The following CFLAR variants were observed in gnomAD, a reference collection of about 807,000 sequenced individuals.
The protein encoded by CFLAR is CASP8 and FADD-like apoptosis regulator.
In CFLAR, 14 loss-of-function variants were observed where a neutral mutation model predicts 51.1. That is an observed-to-expected ratio of 0.27 (90% CI 0.18 to 0.43). The LOEUF is 0.43. Among genes scored for constraint, CFLAR ranks in the 20% least tolerant of loss-of-function variants. CFLAR has a pLI of 1.00. For synonymous variants in CFLAR, 210 were observed against 211.6 expected (o/e 0.99, Z 0.06); for missense variants, 390 against 566.5 (o/e 0.69, Z 3.16).
At chr2:201,136,365 G>T in intron 4 of CFLAR, 2 of 1,598,468 alleles carry the variant, frequency 1.3e-6, no homozygotes, top group Non-Finnish European at 1.7e-6. Flanking sequence ...CTTCAAGAAA[G>T]AATCTGGGAT....
In CFLAR at chr2:201,138,180, G is replaced by A. The variant is rs2050402034; in HGVS notation, c.523+2073G>A. The stretch of plus-strand genomic sequence containing the variant: ...TTCCCCCCAATCACCTGGAGGTGGG[G>A]TTACTTTTGTTTGATGTAATGCACC... On this transcript the variant is annotated intron_variant, in intron 4 of 9. Coordinates refer to ENST00000309955, the MANE Select transcript of CFLAR (RefSeq NM_003879.7). The surrounding 1 kb of genome is among the most constrained non-coding windows in gnomAD (Gnocchi z 4.0). 6 of 956,450 alleles carry A rather than the reference G, an allele frequency of 6.3e-6. No individual in the cohort carries two copies. Among genetic ancestry groups the A allele is most frequent in the South Asian group, 2.6e-5 (2 of 78,146 alleles). 59.2% of individuals were successfully genotyped at this position (956,450 alleles called of 1,614,324 possible).
chr2:201,154,181 TC>T, intron 8 of CFLAR: 1 of 241,440 alleles, frequency 4.1e-6, no homozygotes, highest in Non-Finnish European at 8.5e-6. Flanking sequence ...AATCTCCACC[TC>T]CCAGGTTCAA....
At position 201,156,609 on chromosome 2, in the gene CFLAR, G is replaced by T. The variant is rs77879835; in HGVS notation, c.794-3823G>T. Among the ~76,000 whole-genome samples the T allele has an allele frequency of 5.9e-5, 9 of 152,116 alleles. No individual in the cohort carries two copies. In the East Asian group the frequency reaches 7.7e-4, roughly 13 times the overall value. On this transcript the variant is annotated intron_variant, in intron 8 of 9. Coordinates refer to ENST00000309955, the MANE Select transcript of CFLAR (RefSeq NM_003879.7). ...AGTCATGACATTTTACTGTATTTTG[G>T]TTTTTTTGGTTTATCTGTGAAGTCC...
In CFLAR at chr2:201,145,248, A is replaced by C. The variant is rs147745550; in HGVS notation, c.607-130A>C. The C allele has an allele frequency of 1.4e-5, 8 of 570,040 alleles. No individual in the cohort carries two copies. The East Asian group carries it at 2.3e-4, about 16-fold the overall frequency. 35.3% of individuals were successfully genotyped at this position (570,040 alleles called of 1,614,324 possible). ...GCTCTTGCTATTCTTTAGATAATTT[A>C]ACTGTTGGGACGATATTTTTATTTT... On this transcript the variant is annotated intron_variant, in intron 5 of 9. Coordinates refer to ENST00000309955, the MANE Select transcript of CFLAR (RefSeq NM_003879.7).
intron 1 of CFLAR, among the ~76,000 whole-genome samples, chr2:201,119,526 C>T (rs941763413): frequency 2.0e-5 from 3 of 147,590 alleles, no homozygotes; most frequent in Admixed American, 6.8e-5. Context: ...TTCTTTCTTA[C>T]TATAGATCAG....
At chr2:201,130,349 CTTTCTTTTTTTTTTT>C (rs2049142729) in intron 2 of CFLAR, among the ~76,000 whole-genome samples, 1 of 121,952 alleles carries the variant, frequency 8.2e-6, no homozygotes, top group South Asian at 2.7e-4. Flanking sequence ...CTTTTTCTTT[CTTTCTTTTTTTTTTT>C]TTTTTTTTTT....
intron 2 of CFLAR, 98 bp downstream of exon 2, chr2:201,130,244 C>G: frequency 8.7e-7 from 1 of 1,149,144 alleles, no homozygotes; most frequent in Non-Finnish European, 1.2e-6. Context: ...AGAAGTGCAG[C>G]CACTTTACTG....
chr2:201,149,271 G>T, intron 7 of CFLAR: 2 of 456,696 alleles, frequency 4.4e-6, no homozygotes, highest in South Asian at 2.7e-5. Flanking sequence ...AAGTTCCAAA[G>T]TAGCACTCCT....
intron 1 of CFLAR, among the ~76,000 whole-genome samples, chr2:201,117,873 A>C (rs1290059055): frequency 6.7e-6 from 1 of 150,336 alleles, no homozygotes; most frequent in Non-Finnish European, 1.5e-5. Context: ...CTCGTGCCTC[A>C]GCCTCTCAAG....
In CFLAR at chr2:201,140,529, T is replaced by C. The variant is rs1938450268; in HGVS notation, c.606+90T>C. 4.2e-6 allele frequency: 4 copies of C among 946,344 alleles called. No individual in the cohort carries two copies. In the East Asian group the frequency reaches 1.1e-4, roughly 27 times the overall value. The allele number at this position is 946,344 out of a possible 1,614,324, so 58.6% of individuals were successfully genotyped here. A position where few individuals can be genotyped will look rare whatever the true frequency, so the allele number is the denominator to read the frequency against. ...GCATATTCTCACAGCATGTACTTTA[T>C]TTAATATCTGAAAAAATTGTGATAG... On this transcript the variant is annotated intron_variant, in intron 5 of 9. Transcript: ENST00000309955.
chr2:201,129,073 G>A (rs1188996961), intron 1 of CFLAR, among the ~76,000 whole-genome samples: 2 of 152,168 alleles, frequency 1.3e-5, no homozygotes, highest in African/African-American at 4.8e-5. Flanking sequence ...GTCTGAAGAC[G>A]TGATCCAAAC....
rs375533711 is a variant in CFLAR at position 201,130,159 on chromosome 2, C to T, written c.281+13C>T. The T allele has an allele frequency of 1.4e-5, 14 of 996,220 alleles. No individual in the cohort carries two copies. Among genetic ancestry groups the T allele is most frequent in the Admixed American group, 2.7e-5 (1 of 37,292 alleles). 61.7% of individuals were successfully genotyped at this position (996,220 alleles called of 1,614,324 possible). A position where few individuals can be genotyped will look rare whatever the true frequency, so the allele number is the denominator to read the frequency against. On this transcript the variant is annotated intron_variant, in intron 2 of 9. Transcript: ENST00000309955. ...TTTCGGACTATAGGTAATTCATCAA[C>T]TCTTCCTGAGGCTGGGTGGGTGGGA...
intron 9 of CFLAR, 49 bp downstream of exon 9, chr2:201,160,991 G>A: frequency 7.2e-7 from 1 of 1,390,826 alleles, no homozygotes; most frequent in Non-Finnish European, 1.0e-6. Context: ...TTATTTTCGT[G>A]CCACCAGGAT....
intron 8 of CFLAR, among the ~76,000 whole-genome samples, chr2:201,152,510 C>T (rs1941444301): frequency 6.6e-6 from 1 of 152,068 alleles, no homozygotes; most frequent in African/African-American, 2.4e-5. Context: ...GCATTATTTC[C>T]TCATTTGCTT....
intron 8 of CFLAR, chr2:201,150,498 A>G (rs1941098024): frequency 6.6e-6 from 1 of 152,238 alleles, no homozygotes; most frequent in South Asian, 2.1e-4. Flanking sequence ...CCCTGTCTCA[A>G]AAAAAGAAAA....
intron 4 of CFLAR, chr2:201,136,480 GT>G: frequency 6.3e-7 from 1 of 1,593,398 alleles, no homozygotes; most frequent in South Asian, 1.1e-5. Context: ...CCAACTTCGG[GT>G]GATGTCACTT....
Position 201,145,430 on chromosome 2 carries a change from A to T in CFLAR, c.659A>T (p.Gln220Leu), listed in dbSNP as rs552264985. Residue 220 changes from glutamine to leucine, a missense_variant and splice_region_variant, in exon 6 of 10, where the codon CAA becomes CTA. This residue lies in a region of CFLAR where 287 missense variants were observed against 363.6 expected (regional missense o/e 0.79). Transcript: ENST00000309955. ...EQRLKEQLGA[Q>L]QEPVKKSIQE... ...AGACTTAAGGAACAGCTTGGCGCTC[A>T]ACGTAAGACCACCTTTTTTTAATAT... 1 of 1,591,130 alleles carries T rather than the reference A, an allele frequency of 6.3e-7. No individual in the cohort carries two copies.
At chr2:201,140,243 A>G in intron 4 of CFLAR, 114 bp from the exon 5 acceptor site, 2 of 1,342,098 alleles carry the variant, frequency 1.5e-6, no homozygotes, top group Non-Finnish European at 1.0e-6. Flanking sequence ...AGGTGGCTAG[A>G]AAGTTTAGGG....
chr2:201,171,649 T>G lies in CFLAR; in HGVS notation c.*7676T>G, dbSNP rs1944021657. On this transcript the variant is annotated 3_prime_UTR_variant, in exon 10 of 10. Coordinates refer to ENST00000309955, the MANE Select transcript of CFLAR (RefSeq NM_003879.7). ...CACATCCTGCACTTGTATCCAGAACTTAAAATATTTTAAAAATCTTTAGAG... is the reference window on the plus strand; with the variant it reads ...CACATCCTGCACTTGTATCCAGAACGTAAAATATTTTAAAAATCTTTAGAG... 6.7e-6 allele frequency: 1 copy of G among 150,294 alleles called. No individual in the cohort carries two copies. Among genetic ancestry groups the G allele is most frequent in the South Asian group, 2.1e-4 (1 of 4,758 alleles). 9.3% of individuals were successfully genotyped at this position (150,294 alleles called of 1,614,324 possible).
Sources: gnomAD v4.1 joint callset for allele counts (sites outside exome capture counted in the v4.1 genomes callset) on GRCh38, gnomAD v4.1.1 for gene constraint, gnomAD v4.1.1 regional missense constraint, Gnocchi (gnomAD v3.1) non-coding constraint, MANE v1.5 for transcripts, NCBI Gene and HGNC (gene_info 2026-07-23, HGNC 2026-07-21) for gene names.